Variants in RPS6KC1 observed in about 807,000 individuals in gnomAD.
RPS6KC1 encodes the protein inactive ribosomal protein S6 kinase delta-1.
Under a neutral mutation model 103.8 loss-of-function variants are expected in RPS6KC1, and 54 were observed. The ratio of observed to expected loss-of-function variants is 0.52; its 90% CI spans 0.42 to 0.65. The LOEUF is 0.65. Ranked by LOEUF, RPS6KC1 falls within the 30% of genes least tolerant of loss-of-function variation. The probability of loss-of-function intolerance (pLI) is 0.00; values close to 1 mark genes in which losing one functional copy is unlikely to be tolerated. For missense variants in RPS6KC1, 1,151 were observed against 1,253.8 expected (o/e 0.92, Z 1.24); for synonymous variants, 439 against 438.7 (o/e 1.00, Z -0.01).
the RPS6KC1 span, among the ~76,000 whole-genome samples, chr1:213,713,523 A>G: frequency 6.6e-6 from 1 of 152,160 alleles, no homozygotes. Context: ...ATACTTGTTT[A>G]ATGCTTTGAC....
At chr1:213,580,410 C>A in the RPS6KC1 span, among the ~76,000 whole-genome samples, 1 of 152,038 alleles carries the variant, frequency 6.6e-6, no homozygotes, top group Non-Finnish European at 1.5e-5. Context: ...GGAATCTACT[C>A]CTGGTAAAGA....
chr1:213,456,749 C>T, the RPS6KC1 span, among the ~76,000 whole-genome samples: 2 of 152,212 alleles, frequency 1.3e-5, no homozygotes, highest in African/African-American at 2.4e-5. Context: ...TAATAATGCA[C>T]CTTAAAAATC....
At chr1:213,500,344 C>CA in the RPS6KC1 span, among the ~76,000 whole-genome samples, 2 of 152,116 alleles carry the variant, frequency 1.3e-5, no homozygotes, top group African/African-American at 4.8e-5. Flanking sequence ...AGGGCAATAG[C>CA]ACTAACGGCG....
At chr1:213,519,508 G>T in the RPS6KC1 span, among the ~76,000 whole-genome samples, 1 of 152,154 alleles carries the variant, frequency 6.6e-6, no homozygotes, top group Non-Finnish European at 1.5e-5. Flanking sequence ...ACTCCCTGGG[G>T]TTTGTAGTGT....
the RPS6KC1 span, among the ~76,000 whole-genome samples, chr1:213,478,815 TA>T: frequency 1.3e-5 from 2 of 152,112 alleles, no homozygotes; most frequent in African/African-American, 4.8e-5. Context: ...GTTTAAAGGA[TA>T]AAATATCACG....
the RPS6KC1 span, among the ~76,000 whole-genome samples, chr1:213,405,771 C>T: frequency 6.6e-6 from 1 of 152,094 alleles, no homozygotes; most frequent in Non-Finnish European, 1.5e-5. Context: ...CTCTTTCTGC[C>T]CATCTTTCCT....
chr1:213,108,760 A>G (rs1213797236), intron 4 of RPS6KC1, among the ~76,000 whole-genome samples: 1 of 151,078 alleles, frequency 6.6e-6, no homozygotes, highest in African/African-American at 2.4e-5. Context: ...GGCTCAAGGG[A>G]TCCTCCCACC....
the RPS6KC1 span, among the ~76,000 whole-genome samples, chr1:213,807,502 C>T: frequency 2.6e-5 from 4 of 152,248 alleles, no homozygotes; most frequent in Non-Finnish European, 4.4e-5. Flanking sequence ...TTTCTCTAAA[C>T]TTCCCTTCTC....
chr1:213,197,759 A>G (rs142896326), intron 8 of RPS6KC1, among the ~76,000 whole-genome samples: 33 of 152,258 alleles, frequency 2.2e-4, no homozygotes, highest in Non-Finnish European at 3.4e-4. Flanking sequence ...TGTCTGCTAT[A>G]TAAGTAGTTA....
chr1:213,318,347 G>A, the RPS6KC1 span, among the ~76,000 whole-genome samples: 2 of 152,338 alleles, frequency 1.3e-5, no homozygotes, highest in Admixed American at 1.3e-4. Flanking sequence ...CATTTTCTGG[G>A]CTAAAGGCCC....
chr1:213,187,356 T>C (rs1341228354), intron 8 of RPS6KC1, among the ~76,000 whole-genome samples: 2 of 151,522 alleles, frequency 1.3e-5, no homozygotes, highest in African/African-American at 4.8e-5. Flanking sequence ...GTGATTCTCG[T>C]GCCTCAGCCT....
the RPS6KC1 span, among the ~76,000 whole-genome samples, chr1:213,605,376 A>G: frequency 6.6e-6 from 1 of 152,240 alleles, no homozygotes; most frequent in Non-Finnish European, 1.5e-5. Context: ...AGGACACTGC[A>G]CTGACTTTCA....
chr1:213,216,041 A>T (rs949389937), intron 8 of RPS6KC1, among the ~76,000 whole-genome samples: 1 of 152,354 alleles, frequency 6.6e-6, no homozygotes, highest in African/African-American at 2.4e-5. Flanking sequence ...TTAACCTTAA[A>T]TGTAAATGGG....
At chr1:213,201,511 T>G (rs1436492796) in intron 8 of RPS6KC1, among the ~76,000 whole-genome samples, 1 of 152,188 alleles carries the variant, frequency 6.6e-6, no homozygotes, top group Non-Finnish European at 1.5e-5. Flanking sequence ...CTATTCTGTA[T>G]ACTAGAATGG....
the RPS6KC1 span, among the ~76,000 whole-genome samples, chr1:213,752,332 C>G: frequency 6.6e-6 from 1 of 151,248 alleles, no homozygotes; most frequent in Non-Finnish European, 1.5e-5. Flanking sequence ...ATCACAGGAC[C>G]AAAAACAGTC....
At chr1:213,838,054 T>TA in the RPS6KC1 span, among the ~76,000 whole-genome samples, 492 of 152,312 alleles carry the variant, frequency 3.2e-3, 6 homozygotes, top group African/African-American at 0.011. Flanking sequence ...CAGGAACCTC[T>TA]ACTCTCTCGC....
chr1:213,423,289 A>C, the RPS6KC1 span, among the ~76,000 whole-genome samples: 1 of 152,224 alleles, frequency 6.6e-6, no homozygotes, highest in African/African-American at 2.4e-5. Context: ...AATGCGCCTC[A>C]GGTAGCAGAT....
At chr1:213,712,719 C>A in the RPS6KC1 span, among the ~76,000 whole-genome samples, 2 of 152,216 alleles carry the variant, frequency 1.3e-5, no homozygotes, top group African/African-American at 4.8e-5. Flanking sequence ...CCGGATACCA[C>A]CGTCCCTCAC....
the RPS6KC1 span, among the ~76,000 whole-genome samples, chr1:213,577,794 G>T: frequency 6.6e-6 from 1 of 152,236 alleles, no homozygotes; most frequent in East Asian, 1.9e-4. Context: ...CATTCACAAA[G>T]ATATGGTTTG....
Sources: gnomAD v4.1 joint callset for allele counts (sites outside exome capture counted in the v4.1 genomes callset) on GRCh38, gnomAD v4.1.1 for gene constraint, MANE v1.5 for transcripts, NCBI Gene and HGNC (gene_info 2026-07-23, HGNC 2026-07-21) for gene names.